The following ATG2B variants were observed in gnomAD, a reference collection of about 807,000 sequenced individuals.
ATG2B encodes the protein autophagy-related protein 2 homolog B.
In ATG2B, 121 loss-of-function variants were observed where a neutral mutation model predicts 241.3. The observed-to-expected ratio is 0.50, with a 90% CI of 0.43 to 0.58. The LOEUF (loss-of-function observed/expected upper bound fraction) is 0.58, where lower values mean the gene tolerates loss of function less well. Among genes scored for constraint, ATG2B ranks in the 20% least tolerant of loss-of-function variants. The probability of loss-of-function intolerance (pLI) is 0.00; values close to 1 mark genes in which losing one functional copy is unlikely to be tolerated. For synonymous variants in ATG2B, 858 were observed against 876.6 expected (o/e 0.98, Z 0.37); for missense variants, 2,306 against 2,491.6 (o/e 0.93, Z 1.59).
chr14:96,343,620 A>G (rs1021223826), intron 4 of ATG2B, among the ~76,000 whole-genome samples: 6 of 152,168 alleles, frequency 3.9e-5, no homozygotes, highest in Non-Finnish European at 7.3e-5. Flanking sequence ...TTAAATTGAG[A>G]GAAAAAAATT....
At chr14:96,357,566 A>G (rs1268516200) in intron 1 of ATG2B, among the ~76,000 whole-genome samples, 1 of 152,168 alleles carries the variant, frequency 6.6e-6, no homozygotes, top group Non-Finnish European at 1.5e-5. Flanking sequence ...TCCCAACTCC[A>G]GACAGTGGAG....
At chr14:96,307,629 T>C (rs1886988779) in intron 29 of ATG2B, among the ~76,000 whole-genome samples, 1 of 151,846 alleles carries the variant, frequency 6.6e-6, no homozygotes, top group African/African-American at 2.4e-5. Flanking sequence ...TTGGACAATA[T>C]TACAATGTGA....
rs746720779 is a variant in ATG2B at position 96,315,508 on chromosome 14, G to C, written c.3437C>G (p.Thr1146Ser). The stretch of plus-strand genomic sequence containing the variant: ...GCCATCTTCTTCAGAGGAATAAATA[G>C]TAGGTTCCAACCAGTGTGGGCGGGT... ...SSTRPHWLEP[T>S]IYSSEEDGLS... is the part of the protein sequence containing the mutation. Residue 1146 changes from threonine (T) to serine (S), a missense_variant, in exon 22 of 42, where the codon ACT becomes AGT. Physicochemically the swap from Thr to Ser is moderately conservative, Grantham distance 58. Coordinates refer to ENST00000359933, the MANE Select transcript of ATG2B (RefSeq NM_018036.7). 2.5e-6 allele frequency: 4 copies of C among 1,614,176 alleles called. No individual in the cohort carries two copies. The highest frequency in any genetic ancestry group is 3.4e-6 in the Non-Finnish European group (4 of 1,180,024).
At chr14:96,339,393 G>A (rs1195467582) in intron 6 of ATG2B, among the ~76,000 whole-genome samples, 3 of 151,254 alleles carry the variant, frequency 2.0e-5, no homozygotes, top group African/African-American at 4.9e-5. Flanking sequence ...ATACACACAT[G>A]TGTATATATG....
chr14:96,340,237 T>A (rs1448613871), intron 6 of ATG2B, among the ~76,000 whole-genome samples: 1 of 131,762 alleles, frequency 7.6e-6, no homozygotes, highest in Non-Finnish European at 1.7e-5. Context: ...GTGTGTGTAT[T>A]TATATATATG....
At chr14:96,354,906 T>A (rs1888432911) in intron 1 of ATG2B, among the ~76,000 whole-genome samples, 1 of 152,206 alleles carries the variant, frequency 6.6e-6, no homozygotes, top group Admixed American at 6.5e-5. Context: ...GATGTTGAGC[T>A]TTTTTTTCCA....
rs1364186906 is a variant in ATG2B at position 96,282,695 on chromosome 14, C to CT, written c.*3059dup. ...CATGCTGCCTTTGGACAAACAGCCT[C>CT]TGCAGGGGCAGACACAGTTGTCTGG... On this transcript the variant is annotated 3_prime_UTR_variant, in exon 42 of 42. Transcript: ENST00000359933. 4 of 152,240 alleles carry CT rather than the reference C, an allele frequency of 2.6e-5. No individual in the cohort carries two copies. The highest frequency in any genetic ancestry group is 9.6e-5 in the African/African-American group (4 of 41,468). The allele number at this position is 152,240 out of a possible 1,614,324, so 9.4% of individuals were successfully genotyped here. A position where few individuals can be genotyped will look rare whatever the true frequency, so the allele number is the denominator to read the frequency against.
chr14:96,316,238 CAT>C (rs1887307616), intron 21 of ATG2B, among the ~76,000 whole-genome samples: 2 of 152,120 alleles, frequency 1.3e-5, no homozygotes, highest in Admixed American at 6.6e-5. Flanking sequence ...GGGTAATAAA[CAT>C]GTTTTAAAAT....
chr14:96,313,016 T>C, intron 25 of ATG2B, 49 bp downstream of exon 25: 1 of 1,158,300 alleles, frequency 8.6e-7, no homozygotes, highest in East Asian at 2.4e-5. Flanking sequence ...TATCAATTGG[T>C]ATGTTTCGAA....
At chr14:96,353,205 C>T (rs1352182467) in intron 1 of ATG2B, among the ~76,000 whole-genome samples, 2 of 152,110 alleles carry the variant, frequency 1.3e-5, no homozygotes, top group East Asian at 1.9e-4. Flanking sequence ...TACACTATGA[C>T]GTTCACACAA....
chr14:96,327,655 G>A (rs149846199), intron 14 of ATG2B, among the ~76,000 whole-genome samples: 1 of 152,170 alleles, frequency 6.6e-6, no homozygotes, highest in African/African-American at 2.4e-5. Flanking sequence ...TAATTCCACT[G>A]TAATATAAAC....
chr14:96,308,744 A>G (rs1254133201), intron 29 of ATG2B, among the ~76,000 whole-genome samples: 4 of 152,160 alleles, frequency 2.6e-5, no homozygotes, highest in African/African-American at 9.7e-5. Context: ...ATAATTTTTA[A>G]TTAAGATTTC....
chr14:96,357,429 T>C (rs1046806038), intron 1 of ATG2B, among the ~76,000 whole-genome samples: 3 of 152,238 alleles, frequency 2.0e-5, no homozygotes, highest in Admixed American at 1.3e-4. Flanking sequence ...GCAATCTTCC[T>C]ATACGTATAT....
chr14:96,332,244 G>T, intron 10 of ATG2B, 61 bp downstream of exon 10: 4 of 1,300,812 alleles, frequency 3.1e-6, no homozygotes, highest in South Asian at 2.5e-5. Flanking sequence ...AAAAGCACCA[G>T]TAGAATGGCA....
At chr14:96,354,142 A>G (rs1281386880) in intron 1 of ATG2B, among the ~76,000 whole-genome samples, 1 of 152,182 alleles carries the variant, frequency 6.6e-6, no homozygotes, top group Non-Finnish European at 1.5e-5. Context: ...ATTTTTTCCA[A>G]CTTTTAAGTT....
At position 96,344,743 on chromosome 14, in the gene ATG2B, T is replaced by C. The variant is rs1888127876; in HGVS notation, c.492A>G (p.Val164=). The stretch of plus-strand genomic sequence containing the variant: ...AAACAGTATCTATAAAAGTGACTTT[T>C]ACTCTTCTTAGTACTAAAGTAAACA... ...AETIETVLRR[V]KVTFIDTVLR... is the part of the protein sequence containing the mutation. The change falls in exon 4 of 42, where the codon GTA becomes GTG. Residue 164 remains valine, a synonymous_variant. Transcript: ENST00000359933. 6.4e-7 allele frequency: 1 copy of C among 1,572,832 alleles called. No homozygotes were observed. The highest frequency in any genetic ancestry group is 8.7e-7 in the Non-Finnish European group (1 of 1,150,828).
intron 1 of ATG2B, among the ~76,000 whole-genome samples, chr14:96,351,839 C>G (rs1443058445): frequency 2.0e-5 from 3 of 147,608 alleles, no homozygotes; most frequent in Non-Finnish European, 4.4e-5. Flanking sequence ...GAGGTCAAGG[C>G]TGCGGTTGAG....
intron 41 of ATG2B, 53 bp from the exon 42 acceptor site, chr14:96,286,038 G>T: frequency 6.9e-7 from 1 of 1,448,582 alleles, no homozygotes; most frequent in Non-Finnish European, 9.5e-7. Flanking sequence ...AACTCTGGTC[G>T]GAAAACTCTC....
chr14:96,343,547 G>A (rs888927128), intron 4 of ATG2B, among the ~76,000 whole-genome samples: 1 of 152,086 alleles, frequency 6.6e-6, no homozygotes, highest in Non-Finnish European at 1.5e-5. Context: ...GTCTCACCAT[G>A]CTTTACTACC....
Sources: gnomAD v4.1 joint callset for allele counts (sites outside exome capture counted in the v4.1 genomes callset) on GRCh38, gnomAD v4.1.1 for gene constraint, MANE v1.5 for transcripts, NCBI Gene and HGNC (gene_info 2026-07-23, HGNC 2026-07-21) for gene names.